Variants in ZMIZ1 observed in about 807,000 individuals in gnomAD.
ZMIZ1 encodes the protein zinc finger MIZ domain-containing protein 1.
ZMIZ1 carries 17 observed loss-of-function variants against 113.9 expected under a neutral mutation model. The ratio of observed to expected loss-of-function variants is 0.15; its 90% CI spans 0.10 to 0.22. The LOEUF (loss-of-function observed/expected upper bound fraction) is 0.22. Ranked by LOEUF, ZMIZ1 falls within the 10% of genes least tolerant of loss-of-function variation. The pLI is 1.00. For missense variants in ZMIZ1, 1,059 were observed against 1,477.8 expected (o/e 0.72, Z 4.65); for synonymous variants, 607 against 603.1 (o/e 1.01, Z -0.09).
intron 7 of ZMIZ1, among the ~76,000 whole-genome samples, chr10:79,234,161 A>G (rs7909463): frequency 0.35 from 52,797 of 151,876 alleles, 9,448 homozygotes; most frequent in Non-Finnish European, 0.4. Flanking sequence ...CTCAGCAGGT[A>G]GAGGAGGGAC....
intron 1 of ZMIZ1, among the ~76,000 whole-genome samples, chr10:79,095,407 GCCCCTT>G (rs2132241597): frequency 6.6e-6 from 1 of 152,294 alleles, no homozygotes; most frequent in Admixed American, 6.5e-5. Context: ...TTAGAAGACC[GCCCCTT>G]CCAGGCCCAC....
At chr10:79,236,091 A>G (rs554399495) in intron 7 of ZMIZ1, among the ~76,000 whole-genome samples, 1 of 152,340 alleles carries the variant, frequency 6.6e-6, no homozygotes, top group Non-Finnish European at 1.5e-5. Context: ...GGCTGGAAGG[A>G]ATAGGCCACA....
intron 1 of ZMIZ1, among the ~76,000 whole-genome samples, chr10:79,080,790 G>A (rs1767426202): frequency 6.6e-6 from 1 of 152,132 alleles, no homozygotes; most frequent in Admixed American, 6.5e-5. Flanking sequence ...GAGTGGGTCT[G>A]CATTGGGGGT....
In ZMIZ1 at chr10:79,296,462, C is replaced by T. The variant is rs769215210; in HGVS notation, c.1231-9C>T. On this transcript the variant is annotated splice_polypyrimidine_tract_variant and intron_variant, in intron 12 of 24. Coordinates refer to ENST00000334512, the MANE Select transcript of ZMIZ1 (RefSeq NM_020338.4). This position sits in a 1 kb window ranked among gnomAD's most constrained non-coding sequence, Gnocchi z 4.1. ...ACGTGTTTCCCCTCTCCTTTCTCTC[C>T]CACCACAGCCCAACTATGGAAACCA... 2.5e-6 allele frequency: 4 copies of T among 1,613,854 alleles called. No individual in the cohort carries two copies. Among genetic ancestry groups the T allele is most frequent in the Non-Finnish European group, 3.4e-6 (4 of 1,179,846 alleles).
At chr10:79,148,164 T>C (rs1157044197) in intron 3 of ZMIZ1, among the ~76,000 whole-genome samples, 1 of 152,208 alleles carries the variant, frequency 6.6e-6, no homozygotes. Flanking sequence ...AAACATTTCC[T>C]GGCAGCCAAG....
chr10:79,311,035 C>G lies in ZMIZ1; in HGVS notation c.2947C>G (p.Pro983Ala), dbSNP rs752174928. The G allele has an allele frequency of 6.2e-7, 1 of 1,613,792 alleles. No individual in the cohort carries two copies. Among genetic ancestry groups the G allele is most frequent in the Non-Finnish European group, 8.5e-7 (1 of 1,180,012 alleles). Residue 983 changes from proline to alanine, a missense_variant, in exon 24 of 25, where the codon CCT becomes GCT. This residue lies in a region of ZMIZ1 where 225 missense variants were observed against 276.0 expected (regional missense o/e 0.82). Coordinates refer to ENST00000334512, the MANE Select transcript of ZMIZ1 (RefSeq NM_020338.4). ...GPPLHHSGAP[P>A]PPPSQPPRQP... Reference sequence around the variant, plus strand: ...TCCATTACATCACAGTGGGGCTCCTCCTCCTCCTCCTTCCCAGCCTCCCCG... The same window carrying G: ...TCCATTACATCACAGTGGGGCTCCTGCTCCTCCTCCTTCCCAGCCTCCCCG...
intron 7 of ZMIZ1, among the ~76,000 whole-genome samples, chr10:79,253,379 GA>G (rs1850667652): frequency 6.6e-6 from 1 of 152,142 alleles, no homozygotes. Context: ...TGTGACATAG[GA>G]GGGGCACATG....
intron 4 of ZMIZ1, among the ~76,000 whole-genome samples, chr10:79,163,156 G>C (rs182087738): frequency 2.2e-4 from 33 of 152,378 alleles, no homozygotes; most frequent in African/African-American, 7.9e-4. Flanking sequence ...CAGCCCGGGA[G>C]GGGGGAGTCT....
At chr10:79,105,789 A>G (rs1421895069) in intron 1 of ZMIZ1, among the ~76,000 whole-genome samples, 1 of 152,244 alleles carries the variant, frequency 6.6e-6, no homozygotes, top group Non-Finnish European at 1.5e-5. Flanking sequence ...TATTTATGCA[A>G]AAGTTGTGAA....
At chr10:79,174,921 C>A (rs1384437924) in intron 4 of ZMIZ1, among the ~76,000 whole-genome samples, 1 of 152,226 alleles carries the variant, frequency 6.6e-6, no homozygotes, top group African/African-American at 2.4e-5. Flanking sequence ...CCAGGTGACA[C>A]CTGCCCTCCA....
intron 1 of ZMIZ1, among the ~76,000 whole-genome samples, chr10:79,116,412 G>C (rs747702465): frequency 6.6e-6 from 1 of 152,126 alleles, no homozygotes; most frequent in Non-Finnish European, 1.5e-5. Flanking sequence ...CCCAGAGAGA[G>C]AACTGTGTGA....
intron 4 of ZMIZ1, among the ~76,000 whole-genome samples, chr10:79,165,517 G>A (rs1564692239): frequency 6.6e-6 from 1 of 151,808 alleles, no homozygotes; most frequent in Non-Finnish European, 1.5e-5. Context: ...TTGTTCAGCA[G>A]GACGTGAGGC....
At chr10:79,252,308 A>G (rs889210481) in intron 7 of ZMIZ1, among the ~76,000 whole-genome samples, 3 of 152,096 alleles carry the variant, frequency 2.0e-5, no homozygotes, top group Admixed American at 2.0e-4. Context: ...CTTCTCAGAT[A>G]AATACATTTA....
intron 1 of ZMIZ1, among the ~76,000 whole-genome samples, chr10:79,117,116 C>T (rs1844067385): frequency 6.6e-6 from 1 of 152,276 alleles, no homozygotes; most frequent in Non-Finnish European, 1.5e-5. Context: ...AGACAGACAC[C>T]TCCCTCCATG....
chr10:79,211,767 G>T (rs1054731477), intron 6 of ZMIZ1, among the ~76,000 whole-genome samples: 1 of 152,232 alleles, frequency 6.6e-6, no homozygotes, highest in Non-Finnish European at 1.5e-5. Flanking sequence ...TTCCTCATCA[G>T]AAGCAGGCCC....
intron 4 of ZMIZ1, among the ~76,000 whole-genome samples, chr10:79,190,106 T>G (rs941744858): frequency 6.6e-6 from 1 of 152,196 alleles, no homozygotes; most frequent in Non-Finnish European, 1.5e-5. Flanking sequence ...CCAGGGCCTC[T>G]GCAGGGAGAA....
chr10:79,165,131 G>T (rs1043787228), intron 4 of ZMIZ1, among the ~76,000 whole-genome samples: 9 of 152,162 alleles, frequency 5.9e-5, no homozygotes, highest in Non-Finnish European at 1.2e-4. Flanking sequence ...TCAGACCTAG[G>T]TCTGATATGC....
At position 79,301,004 on chromosome 10, in the gene ZMIZ1, T is replaced by C. The variant is rs988887111; in HGVS notation, c.2019+62T>C. 6 of 1,585,006 alleles carry C rather than the reference T, an allele frequency of 3.8e-6. No homozygotes were observed. The African/African-American group carries it at 5.4e-5, about 14-fold the overall frequency. ...CAGGCCCTGTTTCACGGCATGAGAG[T>C]GCGGAATACCCTGCCCCACTCTGGT... On this transcript the variant is annotated intron_variant, in intron 17 of 24. Transcript: ENST00000334512.
chr10:79,197,663 C>T (rs1847900728), intron 4 of ZMIZ1, among the ~76,000 whole-genome samples: 1 of 151,810 alleles, frequency 6.6e-6, no homozygotes, highest in East Asian at 1.9e-4. Context: ...GTCCCCTCCC[C>T]AGGACCTGTT....
Sources: allele counts gnomAD v4.1 joint callset (sites outside exome capture counted in the v4.1 genomes callset), GRCh38; gene constraint gnomAD v4.1.1; regional missense constraint gnomAD v4.1.1; non-coding constraint Gnocchi (gnomAD v3.1); transcripts MANE v1.5; gene names NCBI Gene and HGNC (gene_info 2026-07-23, HGNC 2026-07-21).